INCA1: variants seen among roughly 807,000 people sequenced by gnomAD.
The protein encoded by INCA1 is protein INCA1.
In INCA1, 28 loss-of-function variants were observed where a neutral mutation model predicts 25.7. The observed-to-expected ratio is 1.09, with a 90% CI of 0.81 to 1.49. The LOEUF is 1.49. Among genes scored for constraint, INCA1 ranks in the 40% most tolerant of loss-of-function variants. INCA1 has a pLI of 0.00. For synonymous variants in INCA1, 111 were observed against 103.6 expected, an observed-to-expected ratio of 1.07 and a Z score of -0.43; for missense variants, 309 against 290.9, an observed-to-expected ratio of 1.06 and a Z score of -0.45.
intron 2 of INCA1, among the ~76,000 whole-genome samples, chr17:4,993,111 C>G (rs1973986101): frequency 6.6e-6 from 1 of 151,736 alleles, no homozygotes; most frequent in African/African-American, 2.4e-5. Context: ...AACCCCTGAC[C>G]TAAGGTAATC....
At chr17:4,994,610 T>G (rs1279424830) in intron 1 of INCA1, 135 bp from the exon 2 acceptor site, 1 of 605,570 alleles carries the variant, frequency 1.7e-6, no homozygotes, top group African/African-American at 1.9e-5. Flanking sequence ...GCCAATATAG[T>G]GAAACCCCAT....
At chr17:4,997,227 C>A (rs1383597188), upstream of INCA1, 1 of 152,282 alleles carries the variant, frequency 6.6e-6, no homozygotes, top group Non-Finnish European at 1.5e-5. Flanking sequence ...CGGGCGTGGC[C>A]GGACCTTCCG....
chr17:4,994,811 AAAG>A (rs1654966495), intron 1 of INCA1, among the ~76,000 whole-genome samples: 2 of 150,354 alleles, frequency 1.3e-5, no homozygotes, highest in Non-Finnish European at 1.5e-5. Context: ...AAAAAAAAAA[AAAG>A]GCATTCATTC....
rs1973786303 is a variant in INCA1, at chr17:4,990,321, C to T, written c.45-56G>A. On this transcript the variant is annotated intron_variant, in intron 2 of 6. Transcript: ENST00000576820. Reference sequence around the variant, plus strand: ...GGCTCTTCCCTTACAGCAGTCTACTCATCCCAAGGATTCAGGGGCCATCTT... The same window carrying T: ...GGCTCTTCCCTTACAGCAGTCTACTTATCCCAAGGATTCAGGGGCCATCTT... The T allele has an allele frequency of 2.6e-6, 4 of 1,551,302 alleles. No individual in the cohort carries two copies. The South Asian group carries it at 3.7e-5, about 14-fold the overall frequency.
chr17:4,993,331 C>T (rs1202684570), intron 2 of INCA1, among the ~76,000 whole-genome samples: 7 of 152,040 alleles, frequency 4.6e-5, no homozygotes, highest in Non-Finnish European at 8.8e-5. Flanking sequence ...AGGCATGCGC[C>T]ACCACACTTG....
intron 1 of INCA1, among the ~76,000 whole-genome samples, chr17:4,995,536 T>C (rs2143254133): frequency 6.6e-6 from 1 of 152,272 alleles, no homozygotes; most frequent in South Asian, 2.1e-4. Flanking sequence ...GGCTCACACC[T>C]GTAATCCCAG....
chr17:4,988,320 T>A, exon 7 of INCA1: 14 of 1,428,608 alleles, frequency 9.8e-6, no homozygotes, highest in Non-Finnish European at 1.3e-5. Flanking sequence ...AACGCCTTCA[T>A]GTCAGCAATG....
At chr17:4,994,789 C>CAAAA (rs34186821) in intron 1 of INCA1, among the ~76,000 whole-genome samples, 2 of 70,820 alleles carry the variant, frequency 2.8e-5, no homozygotes, top group Admixed American at 2.1e-4. Context: ...GACTCTGTCT[C>CAAAA]AAAAAAAAAA....
rs533509120 is a variant in INCA1 at position 4,990,618 on chromosome 17, A to G, written c.45-353T>C. Among the ~76,000 whole-genome samples, 168 of 152,022 alleles carry G rather than the reference A, an allele frequency of 1.1e-3. 1 individual carries two copies. The highest frequency in any genetic ancestry group is 3.9e-3 in the African/African-American group (163 of 41,472). ...TAACACTGGCCGGGCGTGGTGGCTC[A>G]TGCCTGTAATCCCAGCACTTTGGGA... On this transcript the variant is annotated intron_variant, in intron 2 of 6. Transcript: ENST00000576820.
intron 1 of INCA1, among the ~76,000 whole-genome samples, chr17:4,995,043 TA>T (rs1227442859): frequency 6.6e-6 from 1 of 151,500 alleles, no homozygotes; most frequent in African/African-American, 2.4e-5. Flanking sequence ...CCGTCTCTAC[TA>T]AAAATACAAA....
intron 2 of INCA1, among the ~76,000 whole-genome samples, chr17:4,993,123 G>A (rs960397661): frequency 4.6e-5 from 7 of 150,584 alleles, no homozygotes; most frequent in Non-Finnish European, 7.4e-5. Flanking sequence ...AAGGTAATCC[G>A]CCCGCCTTGG....
intron 2 of INCA1, among the ~76,000 whole-genome samples, chr17:4,992,447 A>C (rs1422108956): frequency 1.3e-5 from 2 of 151,528 alleles, no homozygotes; most frequent in African/African-American, 4.9e-5. Flanking sequence ...ATGCCTGGCT[A>C]ATTCTTTTAA....
At position 4,996,430 on chromosome 17, in the gene INCA1, C is replaced by T. The variant is rs1195791508; in HGVS notation, c.-39+573G>A. 3.3e-5 allele frequency among the ~76,000 whole-genome samples: 5 copies of T among 150,696 alleles called. 1 individual carries two copies. The highest frequency in any genetic ancestry group is 1.2e-4 in the African/African-American group (5 of 40,994). ...GGCGCGGTGGCTCAAGACTGTAATC[C>T]CAGCACTTTGGGAGGCTGAGGTGGG... On this transcript the variant is annotated intron_variant, in intron 1 of 6. Coordinates refer to ENST00000576820, the Ensembl canonical transcript of INCA1.
intron 2 of INCA1, among the ~76,000 whole-genome samples, chr17:4,991,749 T>G (rs531206871): frequency 6.6e-6 from 1 of 152,316 alleles, no homozygotes; most frequent in South Asian, 2.1e-4. Flanking sequence ...CTCCTCTCAA[T>G]GAAAAGCACT....
chr17:4,990,350 A>G (rs1973787962), intron 2 of INCA1, 85 bp from the exon 3 acceptor site: 1 of 1,469,750 alleles, frequency 6.8e-7, no homozygotes, highest in Non-Finnish European at 9.1e-7. Context: ...CCATCTTTCC[A>G]TGGGACTATA....
chr17:4,989,351 A>G, intron 5 of INCA1, 77 bp downstream of exon 5: 5 of 1,395,590 alleles, frequency 3.6e-6, no homozygotes, highest in Non-Finnish European at 3.9e-6. Flanking sequence ...CAAAGCTGTC[A>G]ACCCCTTCCT....
chr17:4,989,365 C>T (rs1973660606), intron 5 of INCA1, 63 bp downstream of exon 5: 1 of 1,497,900 alleles, frequency 6.7e-7, no homozygotes, highest in Non-Finnish European at 9.1e-7. Context: ...CCTTCCTTAG[C>T]TCAAACTGTT....
rs770951658 is a variant in INCA1, at chr17:4,989,976, A to C, written c.159-47T>G. On this transcript the variant is annotated intron_variant, in intron 3 of 6. Transcript: ENST00000576820. ...CTATAAGTGCAGAGGGGACATGTCC[A>C]TCCATATTGCTTCTTTAATAATCTC... The C allele has an allele frequency of 8.4e-5, 136 of 1,613,358 alleles. 1 individual carries two copies. Among genetic ancestry groups the C allele is most frequent in the South Asian group, 7.7e-4 (70 of 91,042 alleles).
chr17:4,994,449 G>A (rs2143240149), exon 2 of INCA1: 1 of 1,613,542 alleles, frequency 6.2e-7, no homozygotes, highest in Non-Finnish European at 8.5e-7. Flanking sequence ...ACTGGACGGG[G>A]CTGGGTAGTT....
Sources: allele counts gnomAD v4.1 joint callset (sites outside exome capture counted in the v4.1 genomes callset), GRCh38; gene constraint gnomAD v4.1.1; transcripts MANE v1.5; gene names NCBI Gene and HGNC (gene_info 2026-07-23, HGNC 2026-07-21).